Variants in ADAM8 observed in about 807,000 individuals in gnomAD.
The protein encoded by ADAM8 is ADAM metallopeptidase domain 8.
ADAM8 carries 104 observed loss-of-function variants against 102.4 expected under a neutral mutation model. The ratio of observed to expected loss-of-function variants is 1.02; its 90% CI spans 0.87 to 1.20. ADAM8 has a LOEUF of 1.20. Among genes scored for constraint, ADAM8 ranks in the 50% most tolerant of loss-of-function variants. The pLI is 0.00. For missense variants in ADAM8, 1,132 were observed against 1,159.0 expected (o/e 0.98, Z 0.34); for synonymous variants, 517 against 485.2 (o/e 1.07, Z -0.86).
chr10:133,267,641 A>T (rs1228923747), intron 20 of ADAM8, among the ~76,000 whole-genome samples: 1 of 152,226 alleles, frequency 6.6e-6, no homozygotes, highest in Non-Finnish European at 1.5e-5. Context: ...CACTGTCCTC[A>T]GATGGGCTCT....
At chr10:133,274,087 A>C (rs1554931621) in intron 3 of ADAM8, 58 bp from the exon 4 acceptor site, 5 of 1,588,856 alleles carry the variant, frequency 3.1e-6, no homozygotes, top group Non-Finnish European at 1.7e-6. Context: ...GCTGGCCCAG[A>C]GGCTGGACGC....
rs1347107185 is a variant in ADAM8 at position 133,268,825 on chromosome 10, C to T, written c.1986G>A (p.Leu662=). 1.2e-6 allele frequency: 2 copies of T among 1,610,242 alleles called. No homozygotes were observed. The highest frequency in any genetic ancestry group is 2.2e-5 in the East Asian group (1 of 44,876). ...TGACCAGCACAACTGCCAGGAGCAC[C>T]AGAACCACCACCACGAAGACGGGGA... ...GSLPVFVVVV[L]VLLAVVLVTL... is the part of the protein sequence containing the mutation. Residue 662 remains leucine (L), a synonymous_variant, in exon 19 of 23, where the codon CTG becomes CTA. Coordinates refer to ENST00000445355, the MANE Select transcript of ADAM8 (RefSeq NM_001109.5).
intron 5 of ADAM8, 33 bp downstream of exon 5, chr10:133,273,729 G>A: frequency 6.5e-7 from 1 of 1,542,674 alleles, no homozygotes; most frequent in Non-Finnish European, 8.7e-7. Flanking sequence ...CTCTCCACCT[G>A]CGGGAGCCCT....
At position 133,273,443 on chromosome 10, in the gene ADAM8, C is replaced by G; in HGVS notation, c.384G>C (p.Arg128Ser). The G allele has an allele frequency of 6.5e-7, 1 of 1,533,910 alleles. No homozygotes were observed. Among genetic ancestry groups the G allele is most frequent in the Non-Finnish European group, 8.8e-7 (1 of 1,135,402 alleles). ...AASLSTCAGL[R>S]GFFQVGSDLH... ...GGTCTGACCCCACCTGGAAGAAACC[C>G]CTGAGGGGAGTGGGAGCCGGGTGTG... Residue 128 changes from arginine (R) to serine (S), a missense_variant and splice_region_variant, in exon 6 of 23, where the codon AGG (arginine) becomes AGC (serine). Physicochemically the swap from Arg to Ser is moderately radical, Grantham distance 110. Coordinates refer to ENST00000445355, the MANE Select transcript of ADAM8 (RefSeq NM_001109.5).
chr10:133,262,660 T>C lies in ADAM8; in HGVS notation c.*496A>G, dbSNP rs1217338017. The stretch of plus-strand genomic sequence containing the variant: ...ATCAGGGGACCTGGAGTCGGGAGCT[T>C]GGGGTGCAGTCTGCTCACTGACACC... On this transcript the variant is annotated 3_prime_UTR_variant, in exon 23 of 23. Transcript: ENST00000445355. The C allele has an allele frequency of 6.5e-6, 1 of 154,544 alleles. No homozygotes were observed. Among genetic ancestry groups the C allele is most frequent in the Non-Finnish European group, 1.4e-5 (1 of 69,360 alleles). 9.6% of individuals were successfully genotyped at this position (154,544 alleles called of 1,614,324 possible). A position where few individuals can be genotyped will look rare whatever the true frequency, so the allele number is the denominator to read the frequency against.
Position 133,274,110 on chromosome 10 carries a change from T to C in ADAM8, c.227+49A>G, listed in dbSNP as rs528618089. 15 of 1,585,490 alleles carry C rather than the reference T, an allele frequency of 9.5e-6. No individual in the cohort carries two copies. The East Asian group carries it at 3.4e-4, about 36-fold the overall frequency. ...AGAGGCTGGACGCCGGGGACACCAG[T>C]GTGCTGGAGCCAGGCCCGGGCAGGG... On this transcript the variant is annotated intron_variant, in intron 3 of 22. Coordinates refer to ENST00000445355, the MANE Select transcript of ADAM8 (RefSeq NM_001109.5).
intron 14 of ADAM8, 37 bp downstream of exon 14, chr10:133,270,844 C>G: frequency 6.2e-7 from 1 of 1,610,362 alleles, no homozygotes. Flanking sequence ...GCAAGGCCTG[C>G]AGCCACCCTG....
chr10:133,266,662 C>A (rs1204424546), intron 21 of ADAM8, among the ~76,000 whole-genome samples: 1 of 152,198 alleles, frequency 6.6e-6, no homozygotes, highest in Non-Finnish European at 1.5e-5. Context: ...ACCACTGGGG[C>A]CCCGTGCCAG....
At chr10:133,272,647 G>A in intron 8 of ADAM8, 62 bp from the exon 9 acceptor site, 1 of 1,555,690 alleles carries the variant, frequency 6.4e-7, no homozygotes, top group South Asian at 1.2e-5. Context: ...CAGGGAGGGT[G>A]GGTGGCGGAG....
intron 16 of ADAM8, 91 bp downstream of exon 16, chr10:133,270,269 A>T: frequency 2.0e-6 from 3 of 1,481,934 alleles, no homozygotes; most frequent in Non-Finnish European, 2.7e-6. Flanking sequence ...GGCCTCGAGC[A>T]GCTGCCAAGC....
chr10:133,272,184 C>T lies in ADAM8; in HGVS notation c.957+9G>A. On this transcript the variant is annotated intron_variant, in intron 10 of 22. Transcript: ENST00000445355. ...TCGGCCTGGCAAACCCGGGCAGGAG[C>T]CCCCTCACCTGGTTCACAGCCCCTG... is the stretch of plus-strand genomic sequence containing the variant. 1.3e-6 allele frequency: 2 copies of T among 1,549,770 alleles called. No individual in the cohort carries two copies. The highest frequency in any genetic ancestry group is 1.7e-6 in the Non-Finnish European group (2 of 1,146,624).
intron 18 of ADAM8, 141 bp from the exon 19 acceptor site, chr10:133,269,003 C>G: frequency 6.9e-7 from 1 of 1,455,058 alleles, no homozygotes; most frequent in Non-Finnish European, 9.0e-7. Context: ...GTACCTTACA[C>G]TGGCACTCCC....
chr10:133,268,900 G>T, intron 18 of ADAM8, 38 bp from the exon 19 acceptor site: 1 of 1,587,558 alleles, frequency 6.3e-7, no homozygotes. Context: ...CAGGCAGGCC[G>T]CGACCTCAGG....
chr10:133,268,611 G>A (rs1052779978), intron 19 of ADAM8, 137 bp downstream of exon 19: 6 of 952,956 alleles, frequency 6.3e-6, no homozygotes, highest in South Asian at 1.6e-5. Context: ...CAAGCCGGGG[G>A]GCGTCATGAC....
chr10:133,262,898 C>A lies in ADAM8; in HGVS notation c.*258G>T, dbSNP rs1012154943. 3 of 614,758 alleles carry A rather than the reference C, an allele frequency of 4.9e-6. No individual in the cohort carries two copies. The Admixed American group carries it at 7.8e-5, about 16-fold the overall frequency. The allele number at this position is 614,758 out of a possible 1,614,324, so 38.1% of individuals were successfully genotyped here. On this transcript the variant is annotated 3_prime_UTR_variant, in exon 23 of 23. Coordinates refer to ENST00000445355, the MANE Select transcript of ADAM8 (RefSeq NM_001109.5). Reference sequence around the variant, plus strand: ...GGAGACACGTACACACACACGCACCCGCAAGCACACAGCTCATCCCAGCCT... The same window carrying A: ...GGAGACACGTACACACACACGCACCAGCAAGCACACAGCTCATCCCAGCCT...
At chr10:133,265,148 C>T (rs56051714) in intron 21 of ADAM8, among the ~76,000 whole-genome samples, 1 of 139,816 alleles carries the variant, frequency 7.2e-6, no homozygotes, top group African/African-American at 2.7e-5. Flanking sequence ...CCATGCCCAG[C>T]TCCTGCTGCA....
At chr10:133,269,626 C>T in intron 17 of ADAM8, 97 bp from the exon 18 acceptor site, 2 of 1,250,686 alleles carry the variant, frequency 1.6e-6, no homozygotes, top group East Asian at 5.1e-5. Context: ...CCAGCCCCAC[C>T]CCCGAGGGCC....
intron 6 of ADAM8, 30 bp from the exon 7 acceptor site, chr10:133,273,049 C>T: frequency 6.2e-7 from 1 of 1,612,694 alleles, no homozygotes; most frequent in Non-Finnish European, 8.5e-7. Flanking sequence ...AGCCAGTCAG[C>T]CTTCCCAGCG....
intron 1 of ADAM8, 57 bp downstream of exon 1, chr10:133,276,715 C>T: frequency 6.6e-7 from 1 of 1,516,006 alleles, no homozygotes; most frequent in Non-Finnish European, 8.8e-7. Flanking sequence ...TCGCGTCCTG[C>T]GGGGAGAGCC....
Sources: allele counts gnomAD v4.1 joint callset (sites outside exome capture counted in the v4.1 genomes callset), GRCh38; gene constraint gnomAD v4.1.1; transcripts MANE v1.5; gene names NCBI Gene and HGNC (gene_info 2026-07-23, HGNC 2026-07-21).